The following UNC5B variants were observed in gnomAD, a reference collection of about 807,000 sequenced individuals.
UNC5B encodes the protein netrin receptor UNC5B.
Under a neutral mutation model 103.7 loss-of-function variants are expected in UNC5B, and 56 were observed. The observed-to-expected ratio is 0.54, with a 90% confidence interval of 0.44 to 0.67. UNC5B has a LOEUF of 0.67. Among genes scored for constraint, UNC5B ranks in the 30% least tolerant of loss-of-function variants. UNC5B has a pLI of 0.00. For missense variants in UNC5B, 1,194 were observed against 1,284.5 expected (o/e 0.93, Z 1.08); for synonymous variants, 577 against 542.0 (o/e 1.06, Z -0.90).
At chr10:71,261,021 GC>G (rs928579460) in intron 1 of UNC5B, among the ~76,000 whole-genome samples, 1 of 152,214 alleles carries the variant, frequency 6.6e-6, no homozygotes, top group Non-Finnish European at 1.5e-5. Flanking sequence ...ACTATTAGGG[GC>G]CAGCGTGGGA....
intron 2 of UNC5B, among the ~76,000 whole-genome samples, chr10:71,283,090 A>G (rs953939362): frequency 3.9e-5 from 6 of 151,992 alleles, no homozygotes; most frequent in Non-Finnish European, 5.9e-5. Context: ...GCTGCACTCC[A>G]GCCTGGGCAA....
At chr10:71,261,010 C>T (rs1279511628) in intron 1 of UNC5B, among the ~76,000 whole-genome samples, 2 of 152,210 alleles carry the variant, frequency 1.3e-5, no homozygotes, top group Non-Finnish European at 2.9e-5. Flanking sequence ...CCGGCTGGTT[C>T]ACTATTAGGG....
At chr10:71,253,211 C>T (rs1009228954) in intron 1 of UNC5B, among the ~76,000 whole-genome samples, 4 of 152,236 alleles carry the variant, frequency 2.6e-5, no homozygotes, top group African/African-American at 9.6e-5. Context: ...AAGGCCCAAC[C>T]CTCCCCAGCA....
At chr10:71,282,469 G>A (rs991277560) in intron 2 of UNC5B, among the ~76,000 whole-genome samples, 1 of 152,124 alleles carries the variant, frequency 6.6e-6, no homozygotes, top group Non-Finnish European at 1.5e-5. Context: ...CTCCCTGGTG[G>A]TTGTTTCCTT....
intron 1 of UNC5B, among the ~76,000 whole-genome samples, chr10:71,236,317 C>T (rs1167423239): frequency 1.3e-5 from 2 of 152,204 alleles, no homozygotes; most frequent in African/African-American, 4.8e-5. Context: ...GAGAAAGACC[C>T]TACACCTTCC....
At chr10:71,215,002 G>A (rs1589143709) in intron 1 of UNC5B, among the ~76,000 whole-genome samples, 1 of 152,318 alleles carries the variant, frequency 6.6e-6, no homozygotes, top group African/African-American at 2.4e-5. Flanking sequence ...CTGGAGAGGG[G>A]CCAACTGGTG....
chr10:71,291,819 C>A lies in UNC5B; in HGVS notation c.1682C>A (p.Thr561Lys). 6.3e-7 allele frequency: 1 copy of A among 1,591,422 alleles called. No homozygotes were observed. The highest frequency in any genetic ancestry group is 8.5e-7 in the Non-Finnish European group (1 of 1,174,388). Residue 561 changes from threonine to lysine, a missense_variant and splice_region_variant, in exon 10 of 17, where the codon ACA becomes AAA. Transcript: ENST00000335350. ...GGTGGGAGGCTCAGCATCCCCGGCA[C>A]AGGTGAGCCCCTGCCCTGCTTGTGC... ...CLGGRLSIPG[T>K]GVSLLVPNGA...
chr10:71,254,540 C>A (rs1844247322), intron 1 of UNC5B, among the ~76,000 whole-genome samples: 1 of 152,234 alleles, frequency 6.6e-6, no homozygotes, highest in African/African-American at 2.4e-5. Context: ...GTCTCCAGGC[C>A]CCCTGGGTCC....
rs117875146 is a variant in UNC5B at position 71,292,153 on chromosome 10, G to A, written c.1685-314G>A. Among the ~76,000 whole-genome samples the A allele has an allele frequency of 2.9e-3, 448 of 152,246 alleles. 1 individual carries two copies. In the Middle Eastern group the frequency reaches 0.031, roughly 10 times the overall value. The stretch of plus-strand genomic sequence containing the variant: ...GAACTAGCAGCAGAGGGACAGGGGC[G>A]CCTGTTTTAGTTTGCAAAGCCAGCA... On this transcript the variant is annotated intron_variant, in intron 10 of 16. Coordinates refer to ENST00000335350, the MANE Select transcript of UNC5B (RefSeq NM_170744.5).
intron 1 of UNC5B, among the ~76,000 whole-genome samples, chr10:71,266,607 G>A (rs1292664512): frequency 6.6e-6 from 1 of 152,202 alleles, no homozygotes; most frequent in Non-Finnish European, 1.5e-5. Context: ...TCAGCCTTTT[G>A]CAGCTCTGTG....
intron 14 of UNC5B, 110 bp from the exon 15 acceptor site, chr10:71,296,468 G>A (rs1845414623): frequency 7.8e-7 from 1 of 1,275,754 alleles, no homozygotes; most frequent in Non-Finnish European, 1.1e-6. Flanking sequence ...TATCTGGGTG[G>A]AGAGGCCTGA....
intron 1 of UNC5B, among the ~76,000 whole-genome samples, chr10:71,218,861 C>T (rs1843393128): frequency 6.6e-6 from 1 of 152,186 alleles, no homozygotes; most frequent in Admixed American, 6.5e-5. Flanking sequence ...GGTGGGATCC[C>T]CAGTGGAGAA....
intron 2 of UNC5B, among the ~76,000 whole-genome samples, chr10:71,281,431 C>T (rs555976381): frequency 6.6e-6 from 1 of 152,066 alleles, no homozygotes; most frequent in South Asian, 2.1e-4. Context: ...ACCTCCGCCT[C>T]CCAGATTCAA....
chr10:71,285,848 T>A (rs1197199453), intron 4 of UNC5B, among the ~76,000 whole-genome samples: 1 of 152,234 alleles, frequency 6.6e-6, no homozygotes, highest in Non-Finnish European at 1.5e-5. Context: ...TTTGGATTGC[T>A]GTCCTCTCTC....
chr10:71,217,631 G>T (rs1843360184), intron 1 of UNC5B: 1 of 152,342 alleles, frequency 6.6e-6, no homozygotes, highest in African/African-American at 2.4e-5. Context: ...CGGTCTTCGG[G>T]GATGCTAATG....
chr10:71,224,364 G>GACGCACAC (rs1197780490), intron 1 of UNC5B, among the ~76,000 whole-genome samples: 996 of 97,338 alleles, frequency 0.01, 66 homozygotes, highest in Non-Finnish European at 0.012. Flanking sequence ...TCTGTATGTA[G>GACGCACAC]ACACACACAC....
intron 10 of UNC5B, among the ~76,000 whole-genome samples, chr10:71,292,160 T>G (rs1393768492): frequency 1.3e-5 from 2 of 152,128 alleles, no homozygotes; most frequent in Non-Finnish European, 2.9e-5. Flanking sequence ...GGCGCCTGTT[T>G]TAGTTTGCAA....
intron 2 of UNC5B, among the ~76,000 whole-genome samples, chr10:71,284,286 C>T (rs1410491451): frequency 6.6e-6 from 1 of 152,006 alleles, no homozygotes; most frequent in Non-Finnish European, 1.5e-5. Context: ...GCAAGGGCCC[C>T]GTGGCTGCAG....
chr10:71,266,417 C>T (rs1031216765), intron 1 of UNC5B, among the ~76,000 whole-genome samples: 4 of 152,226 alleles, frequency 2.6e-5, no homozygotes, highest in Admixed American at 6.5e-5. Context: ...TTGCACCCTT[C>T]CTCTGCTGCT....
Sources: gnomAD v4.1 joint callset for allele counts (sites outside exome capture counted in the v4.1 genomes callset) on GRCh38, gnomAD v4.1.1 for gene constraint, MANE v1.5 for transcripts, NCBI Gene and HGNC (gene_info 2026-07-23, HGNC 2026-07-21) for gene names.